Variants in MTMR9 observed in about 807,000 individuals in gnomAD.
The protein encoded by MTMR9 is myotubularin-related protein 9.
Under a neutral mutation model 69.5 loss-of-function variants are expected in MTMR9, and 39 were observed. The observed-to-expected ratio is 0.56, with a 90% CI of 0.43 to 0.73. MTMR9 has a LOEUF of 0.73. Among genes scored for constraint, MTMR9 ranks in the 30% least tolerant of loss-of-function variants. The probability of loss-of-function intolerance (pLI) is 0.00; values close to 1 mark genes in which losing one functional copy is unlikely to be tolerated. For missense variants in MTMR9, 900 were observed against 671.2 expected (o/e 1.34, Z -3.77); for synonymous variants, 354 against 240.8 (o/e 1.47, Z -4.35).
chr8:11,336,051 T>A, the MTMR9 span, among the ~76,000 whole-genome samples: 2 of 152,204 alleles, frequency 1.3e-5, no homozygotes, highest in African/African-American at 4.8e-5. Flanking sequence ...GCATACAGAA[T>A]ATATACATTT....
rs1406702077 is a variant in MTMR9 at position 11,327,518 on chromosome 8, A to G, written c.*4730A>G. 2 of 152,592 alleles carry G rather than the reference A, an allele frequency of 1.3e-5. No individual in the cohort carries two copies. Among genetic ancestry groups the G allele is most frequent in the Non-Finnish European group, 2.9e-5 (2 of 68,046 alleles). 9.5% of individuals were successfully genotyped at this position (152,592 alleles called of 1,614,324 possible). ...CTTTGGAGAGGTGAATTATTCTACA[A>G]AATGCACCCTAAATCTCATTGTTTA... On this transcript the variant is annotated 3_prime_UTR_variant, in exon 10 of 10. Transcript: ENST00000221086.
In MTMR9 at chr8:11,298,986, A is replaced by C. The variant is rs555383250; in HGVS notation, c.292-1037A>C. The C allele has an allele frequency of 4.8e-6, 3 of 621,742 alleles. No individual in the cohort carries two copies. In the East Asian group the frequency reaches 4.2e-4, roughly 87 times the overall value. 38.5% of individuals were successfully genotyped at this position (621,742 alleles called of 1,614,324 possible). A position where few individuals can be genotyped will look rare whatever the true frequency, so the allele number is the denominator to read the frequency against. On this transcript the variant is annotated intron_variant, in intron 2 of 9. Coordinates refer to ENST00000221086, the MANE Select transcript of MTMR9 (RefSeq NM_015458.4). ...CCAAATGGCATATACCAGTCTAGGA[A>C]GAGAGGAAATGAACATTGATGGAAT...
intron 1 of MTMR9, among the ~76,000 whole-genome samples, chr8:11,287,196 C>T (rs1057036584): frequency 6.6e-6 from 1 of 152,130 alleles, no homozygotes; most frequent in Non-Finnish European, 1.5e-5. Context: ...CATATAGACG[C>T]GTAGGAAACA....
chr8:11,301,646 T>A (rs1799752418), intron 3 of MTMR9, among the ~76,000 whole-genome samples: 2 of 152,194 alleles, frequency 1.3e-5, no homozygotes, highest in African/African-American at 4.8e-5. Flanking sequence ...GGTTAGTGAT[T>A]TCCTAGTATT....
chr8:11,332,268 A>T, downstream of MTMR9: 1 of 1,289,948 alleles, frequency 7.8e-7, no homozygotes, highest in Non-Finnish European at 1.0e-6. Flanking sequence ...ACATTATAAT[A>T]TTGAGATGTT....
At chr8:11,321,250 G>C (rs1800672480) in intron 9 of MTMR9, 2 of 354,212 alleles carry the variant, frequency 5.6e-6, no homozygotes, top group South Asian at 4.3e-5. Context: ...GCTTTGATTT[G>C]TGAAGGGATG....
intron 1 of MTMR9, among the ~76,000 whole-genome samples, chr8:11,292,130 T>C (rs866776322): frequency 6.6e-6 from 1 of 152,160 alleles, no homozygotes; most frequent in Non-Finnish European, 1.5e-5. Context: ...TGCAGTACTC[T>C]CTTTTGAGAT....
chr8:11,292,744 G>T (rs1046147525), intron 1 of MTMR9, among the ~76,000 whole-genome samples: 1 of 152,144 alleles, frequency 6.6e-6, no homozygotes, highest in Non-Finnish European at 1.5e-5. Flanking sequence ...ACACAGTCAT[G>T]TGATTTATTA....
At chr8:11,331,493 C>A, downstream of MTMR9, 2 of 1,613,948 alleles carry the variant, frequency 1.2e-6, no homozygotes, top group South Asian at 1.1e-5. Flanking sequence ...CCGCTGGCAA[C>A]GCTGCCACTG....
At chr8:11,307,841 A>G (rs1219830402) in intron 5 of MTMR9, among the ~76,000 whole-genome samples, 2 of 151,704 alleles carry the variant, frequency 1.3e-5, no homozygotes, top group African/African-American at 2.4e-5. Context: ...TTGGCCATTT[A>G]TATGTCTTCT....
In MTMR9 at chr8:11,295,373, C is replaced by G. The variant is rs187595389; in HGVS notation, c.291+71C>G. 1.1e-4 allele frequency: 98 copies of G among 890,430 alleles called. No individual in the cohort carries two copies. The East Asian group carries it at 2.1e-3, about 19-fold the overall frequency. The allele number at this position is 890,430 out of a possible 1,614,324, so 55.2% of individuals were successfully genotyped here. ...ATGACTCAGTGTAGCTCTTCCATTT[C>G]TTCATTAGATAATTTAGTCATGTTC... On this transcript the variant is annotated intron_variant, in intron 2 of 9. Transcript: ENST00000221086.
At chr8:11,300,943 T>A (rs1190454227) in intron 3 of MTMR9, among the ~76,000 whole-genome samples, 2 of 152,176 alleles carry the variant, frequency 1.3e-5, no homozygotes, top group African/African-American at 4.8e-5. Flanking sequence ...GCTTTGCAGG[T>A]CATGTGGTCT....
Position 11,284,885 on chromosome 8 carries a change from G to C in MTMR9, c.-4G>C. On this transcript the variant is annotated 5_prime_UTR_variant, in exon 1 of 10. Coordinates refer to ENST00000221086, the MANE Select transcript of MTMR9 (RefSeq NM_015458.4). The stretch of plus-strand genomic sequence containing the variant: ...CGGTTCCCTGGCTCCGGCCGCGGGG[G>C]AGCATGGAGTTTGCGGAGCTGATTA... 6.3e-7 allele frequency: 1 copy of C among 1,599,784 alleles called. No homozygotes were observed. Among genetic ancestry groups the C allele is most frequent in the Non-Finnish European group, 8.5e-7 (1 of 1,172,770 alleles).
intron 3 of MTMR9, chr8:11,300,709 T>A (rs1325758930): frequency 6.6e-6 from 1 of 152,194 alleles, no homozygotes; most frequent in Non-Finnish European, 1.5e-5. Flanking sequence ...AAAAACGAAT[T>A]GAATTGGCAA....
rs1169152059 is a variant in MTMR9 at position 11,324,608 on chromosome 8, T to G, written c.*1820T>G. 6.6e-6 allele frequency: 1 copy of G among 152,184 alleles called. No homozygotes were observed. Among genetic ancestry groups the G allele is most frequent in the East Asian group, 1.9e-4 (1 of 5,206 alleles). The allele number at this position is 152,184 out of a possible 1,614,324, so 9.4% of individuals were successfully genotyped here. Reference sequence around the variant, plus strand: ...TACAGCTGAGCTTTTTGTTTTCTTCTCTTTTTGTCTCAAGATTGTATATGA... The same window carrying G: ...TACAGCTGAGCTTTTTGTTTTCTTCGCTTTTTGTCTCAAGATTGTATATGA... On this transcript the variant is annotated 3_prime_UTR_variant, in exon 10 of 10. Coordinates refer to ENST00000221086, the MANE Select transcript of MTMR9 (RefSeq NM_015458.4).
chr8:11,322,899 T>A lies in MTMR9; in HGVS notation c.*111T>A. 1 of 894,554 alleles carries A rather than the reference T, an allele frequency of 1.1e-6. No individual in the cohort carries two copies. Among genetic ancestry groups the A allele is most frequent in the Non-Finnish European group, 1.7e-6 (1 of 588,018 alleles). The allele number at this position is 894,554 out of a possible 1,614,324, so 55.4% of individuals were successfully genotyped here. A position where few individuals can be genotyped will look rare whatever the true frequency, so the allele number is the denominator to read the frequency against. On this transcript the variant is annotated 3_prime_UTR_variant, in exon 10 of 10. Coordinates refer to ENST00000221086, the MANE Select transcript of MTMR9 (RefSeq NM_015458.4). ...GTAGCCTTGAAGTGAAGGCTTTAGA[T>A]GTGGGACCCCCCTAATGTAATGGAT...
At chr8:11,339,295 C>G in the MTMR9 span, among the ~76,000 whole-genome samples, 1 of 152,200 alleles carries the variant, frequency 6.6e-6, no homozygotes, top group Admixed American at 6.5e-5. Flanking sequence ...AATTGGTATA[C>G]TATTTATCTG....
chr8:11,298,437 A>G (rs1301402894), intron 2 of MTMR9, among the ~76,000 whole-genome samples: 1 of 152,026 alleles, frequency 6.6e-6, no homozygotes, highest in East Asian at 1.9e-4. Flanking sequence ...GCTTCTCTAT[A>G]TTTTGTTTTA....
intron 5 of MTMR9, among the ~76,000 whole-genome samples, chr8:11,309,172 C>G (rs1437176477): frequency 6.6e-6 from 1 of 152,056 alleles, no homozygotes; most frequent in African/African-American, 2.4e-5. Flanking sequence ...CACTGGGTCT[C>G]TAGTGTTAGA....
Sources: allele counts gnomAD v4.1 joint callset (sites outside exome capture counted in the v4.1 genomes callset), GRCh38; gene constraint gnomAD v4.1.1; transcripts MANE v1.5; gene names NCBI Gene and HGNC (gene_info 2026-07-23, HGNC 2026-07-21).